Variants in BBIP1 observed in about 807,000 individuals in gnomAD.
BBIP1 encodes BBSome interacting protein 1.
Under a neutral mutation model 8.9 loss-of-function variants are expected in BBIP1, and 6 were observed. The ratio of observed to expected loss-of-function variants is 0.67; its 90% CI spans 0.37 to 1.33. BBIP1 has a LOEUF of 1.33. BBIP1 is among the 40% of genes most tolerant of loss of function. The pLI is 0.02. For missense variants in BBIP1, 111 were observed against 109.2 expected (o/e 1.02, Z -0.07); for synonymous variants, 32 against 33.4 (o/e 0.96, Z 0.14).
intron 2 of BBIP1, chr10:110,912,129 T>C (rs1846292390): frequency 6.6e-6 from 1 of 151,596 alleles, no homozygotes; most frequent in African/African-American, 2.4e-5. Flanking sequence ...TATATGGCTC[T>C]AACCAACATG....
intron 2 of BBIP1, among the ~76,000 whole-genome samples, chr10:110,912,818 C>A (rs2134042151): frequency 6.6e-6 from 1 of 152,218 alleles, no homozygotes; most frequent in South Asian, 2.1e-4. Context: ...GCCTACTACT[C>A]CTAACCTGTC....
At chr10:110,918,793 C>G (rs1019142786) in intron 1 of BBIP1, 2 of 152,466 alleles carry the variant, frequency 1.3e-5, no homozygotes, top group African/African-American at 4.8e-5. Flanking sequence ...CTCTGTCCCA[C>G]AGGGACCGTC....
At chr10:110,908,814 C>T (rs540656623) in intron 2 of BBIP1, among the ~76,000 whole-genome samples, 3 of 149,790 alleles carry the variant, frequency 2.0e-5, no homozygotes, top group East Asian at 2.0e-4. Flanking sequence ...AAAAGAGTTA[C>T]GAGCAATCTG....
chr10:110,918,729 A>G (rs191509055), intron 1 of BBIP1: 4,034 of 134,616 alleles, frequency 0.03, 85 homozygotes, highest in Middle Eastern at 0.064. Context: ...GCCAGCCCGG[A>G]AAAAAACCGC....
intron 2 of BBIP1, chr10:110,912,390 TTCA>T (rs1011294343): frequency 6.6e-6 from 1 of 152,148 alleles, no homozygotes; most frequent in Non-Finnish European, 1.5e-5. Flanking sequence ...TTAAATTATT[TTCA>T]TCATATCACA....
At chr10:110,908,690 A>C (rs2134033765) in intron 2 of BBIP1, among the ~76,000 whole-genome samples, 1 of 152,114 alleles carries the variant, frequency 6.6e-6, no homozygotes, top group South Asian at 2.1e-4. Flanking sequence ...GGTACAGATG[A>C]TGGGGGAGGA....
chr10:110,912,955 T>C (rs1846314131), intron 2 of BBIP1, among the ~76,000 whole-genome samples: 1 of 152,202 alleles, frequency 6.6e-6, no homozygotes, highest in Non-Finnish European at 1.5e-5. Flanking sequence ...TAGGATTCCG[T>C]GTGTTTTAAA....
At chr10:110,905,654 G>A (rs906639369) in intron 2 of BBIP1, among the ~76,000 whole-genome samples, 2 of 151,846 alleles carry the variant, frequency 1.3e-5, no homozygotes, top group African/African-American at 4.8e-5. Context: ...GATCACTGAA[G>A]TGTCCTTCTG....
At chr10:110,913,673 C>T (rs891996448) in intron 2 of BBIP1, among the ~76,000 whole-genome samples, 5 of 152,124 alleles carry the variant, frequency 3.3e-5, no homozygotes, top group Non-Finnish European at 5.9e-5. Context: ...TTTTAATCTA[C>T]CTTGAATTTT....
At chr10:110,918,080 G>A (rs1846469132) in intron 2 of BBIP1, 41 bp downstream of exon 2, 9 of 1,513,924 alleles carry the variant, frequency 5.9e-6, no homozygotes, top group Non-Finnish European at 7.1e-6. Context: ...GTTTGCATCT[G>A]TATTGTTGAC....
intron 2 of BBIP1, among the ~76,000 whole-genome samples, chr10:110,913,242 T>C (rs955987133): frequency 6.6e-6 from 1 of 152,234 alleles, no homozygotes; most frequent in South Asian, 2.1e-4. Context: ...ATGTTTATTA[T>C]CTGTCCTGGG....
At chr10:110,907,694 TA>T in intron 2 of BBIP1, 1 of 696,018 alleles carries the variant, frequency 1.4e-6, no homozygotes, top group South Asian at 1.5e-5. Flanking sequence ...CTTGCTTGTA[TA>T]CCCCTCCGAT....
chr10:110,915,249 T>C (rs1846374418), intron 2 of BBIP1, among the ~76,000 whole-genome samples: 1 of 152,078 alleles, frequency 6.6e-6, no homozygotes, highest in Non-Finnish European at 1.5e-5. Flanking sequence ...CTTGACCTTC[T>C]GGGCTCAAGT....
At chr10:110,905,005 C>A (rs1316175997) in intron 2 of BBIP1, 2 of 152,188 alleles carry the variant, frequency 1.3e-5, no homozygotes, top group Admixed American at 6.5e-5. Context: ...CTGCTGTTTC[C>A]TTTTCTTACA....
chr10:110,911,724 G>A (rs927056377), intron 2 of BBIP1: 1 of 151,942 alleles, frequency 6.6e-6, no homozygotes, highest in Non-Finnish European at 1.5e-5. Flanking sequence ...TCATATAGTC[G>A]ATAAGAAACA....
rs1334067977 is a variant in BBIP1, at chr10:110,900,082, C to T, written c.*278G>A. 1.0e-5 allele frequency: 3 copies of T among 295,392 alleles called. No homozygotes were observed. The highest frequency in any genetic ancestry group is 1.9e-5 in the Non-Finnish European group (3 of 161,542). The allele number at this position is 295,392 out of a possible 1,614,324, so 18.3% of individuals were successfully genotyped here. ...CAAGAATGTTATCTATAAAAGATAG[C>T]AATAGGAATGGTGAACAAATAATTT... On this transcript the variant is annotated 3_prime_UTR_variant, in exon 4 of 4. Coordinates refer to ENST00000448814, the MANE Select transcript of BBIP1 (RefSeq NM_001195305.3).
At chr10:110,909,723 GTATTC>G (rs1263094145) in intron 2 of BBIP1, among the ~76,000 whole-genome samples, 1 of 152,150 alleles carries the variant, frequency 6.6e-6, no homozygotes, top group East Asian at 1.9e-4. Flanking sequence ...GCTGTACCTT[GTATTC>G]TATTTGGAAA....
chr10:110,907,628 C>CA, intron 2 of BBIP1: 2 of 560,966 alleles, frequency 3.6e-6, no homozygotes, highest in Non-Finnish European at 6.3e-6. Flanking sequence ...AATGCATTAT[C>CA]AGCAGACACT....
In BBIP1 at chr10:110,919,156, C is replaced by G. The variant is rs995718879; in HGVS notation, c.-92G>C. 1 of 157,084 alleles carries G rather than the reference C, an allele frequency of 6.4e-6. No individual in the cohort carries two copies. The highest frequency in any genetic ancestry group is 2.4e-5 in the African/African-American group (1 of 41,648). 9.7% of individuals were successfully genotyped at this position (157,084 alleles called of 1,614,324 possible). A position where few individuals can be genotyped will look rare whatever the true frequency, so the allele number is the denominator to read the frequency against. On this transcript the variant is annotated 5_prime_UTR_variant, in exon 1 of 4. Coordinates refer to ENST00000448814, the MANE Select transcript of BBIP1 (RefSeq NM_001195305.3). ...CTTCCCAGACGGCTCAGCTGTTGCC[C>G]CGGGTAACGGTGAGACTGGCGAAGG...
Sources: allele counts gnomAD v4.1 joint callset (sites outside exome capture counted in the v4.1 genomes callset), GRCh38; gene constraint gnomAD v4.1.1; transcripts MANE v1.5; gene names NCBI Gene and HGNC (gene_info 2026-07-23, HGNC 2026-07-21).